The following SIK3 variants were observed in gnomAD, a reference collection of about 807,000 sequenced individuals.
SIK3 encodes serine/threonine-protein kinase SIK3.
SIK3 carries 28 observed loss-of-function variants against 144.2 expected under a neutral mutation model. The ratio of observed to expected loss-of-function variants is 0.19; its 90% confidence interval spans 0.14 to 0.27. SIK3 has a LOEUF of 0.27. Among genes scored for constraint, SIK3 ranks in the 10% least tolerant of loss-of-function variants. The probability of loss-of-function intolerance (pLI) is 1.00; values close to 1 mark genes in which losing one functional copy is unlikely to be tolerated. For synonymous variants in SIK3, 686 were observed against 676.3 expected (o/e 1.01, Z -0.22); for missense variants, 1,319 against 1,776.0 (o/e 0.74, Z 4.62).
chr11:117,097,393 AC>A, intron 1 of SIK3, among the ~76,000 whole-genome samples: 1 of 152,020 alleles, frequency 6.6e-6, no homozygotes, highest in East Asian at 1.9e-4. Flanking sequence ...AAATTGTTTA[AC>A]CCCTGACTAC....
At chr11:116,887,527 G>T (rs1285321135) in intron 6 of SIK3, among the ~76,000 whole-genome samples, 2 of 150,862 alleles carry the variant, frequency 1.3e-5, no homozygotes, top group African/African-American at 4.9e-5. Context: ...TGAGGCAAGA[G>T]AATCACTTGA....
At chr11:117,033,715 AAAAAAAAAAGAAAGAAAAGAAAAG>A (rs1253528795) in intron 1 of SIK3, among the ~76,000 whole-genome samples, 3 of 151,472 alleles carry the variant, frequency 2.0e-5, no homozygotes, top group Non-Finnish European at 4.4e-5. Flanking sequence ...GTCTAAAAAA[AAAAAAAAAAGAAAGAAAAGAAAAG>A]AAAAAAAAAG....
intron 3 of SIK3, among the ~76,000 whole-genome samples, chr11:116,930,522 C>G (rs943531738): frequency 1.3e-5 from 2 of 152,224 alleles, no homozygotes; most frequent in Non-Finnish European, 2.9e-5. Context: ...AGCATTTTTA[C>G]AAATACTGCA....
At chr11:117,037,822 C>A (rs1469944862) in intron 1 of SIK3, among the ~76,000 whole-genome samples, 1 of 152,166 alleles carries the variant, frequency 6.6e-6, no homozygotes, top group East Asian at 1.9e-4. Context: ...ACAGAACCAC[C>A]ACAAAGCCAA....
Position 116,846,322 on chromosome 11 carries a change from G to C in SIK3, c.*13+61C>G, listed in dbSNP as rs1337437999. 2.0e-6 allele frequency: 3 copies of C among 1,538,038 alleles called. No homozygotes were observed. In the Admixed American group the frequency reaches 5.2e-5, roughly 27 times the overall value. Reference sequence around the variant, plus strand: ...CAACACATGGGCTGAAGCTCCTGATGGGATTGGGAGCAGGCACTGGGCCAC... The same window carrying C: ...CAACACATGGGCTGAAGCTCCTGATCGGATTGGGAGCAGGCACTGGGCCAC... On this transcript the variant is annotated intron_variant, in intron 24 of 24. Transcript: ENST00000445177. The surrounding 1 kb of genome is among the most constrained non-coding windows in gnomAD (Gnocchi z 4.1).
chr11:116,901,076 G>A (rs905385585), intron 4 of SIK3, among the ~76,000 whole-genome samples: 1 of 152,180 alleles, frequency 6.6e-6, no homozygotes, highest in East Asian at 1.9e-4. Context: ...TGTTGGTCAG[G>A]CTGGTCTCGA....
chr11:116,849,322 C>T lies in SIK3; in HGVS notation c.3656-39G>A, dbSNP rs766321638. ...GCAGAATAGAGTCAGTGGGGCGGAA[C>T]TTCTCCCAGCACTGGAAACTCCCAT... is the stretch of plus-strand genomic sequence containing the variant. On this transcript the variant is annotated intron_variant, in intron 21 of 24. Transcript: ENST00000445177. The surrounding 1 kb of genome is among the most constrained non-coding windows in gnomAD (Gnocchi z 4.2). 1 of 1,611,568 alleles carries T rather than the reference C, an allele frequency of 6.2e-7. No homozygotes were observed. The highest frequency in any genetic ancestry group is 8.5e-7 in the Non-Finnish European group (1 of 1,178,452).
At chr11:117,029,211 TCCCAGCAC>T (rs1952152571) in intron 1 of SIK3, among the ~76,000 whole-genome samples, 1 of 152,084 alleles carries the variant, frequency 6.6e-6, no homozygotes, top group Non-Finnish European at 1.5e-5. Context: ...GCCCAGCCTA[TCCCAGCAC>T]TTTGGAAGGC....
chr11:116,873,351 G>T, intron 13 of SIK3, 130 bp downstream of exon 13: 2 of 1,245,982 alleles, frequency 1.6e-6, no homozygotes, highest in African/African-American at 1.5e-5. Flanking sequence ...AAAATGGGCT[G>T]GAGCATCCTA....
chr11:117,086,496 C>G lies in SIK3; in HGVS notation c.273+11647G>C, dbSNP rs377328183. ...CACGAGGTAGGAGTTCAAGACCACC[C>G]TGGCCAGCATGGTGAAACCCCGTCT... On this transcript the variant is annotated intron_variant, in intron 1 of 24. Coordinates refer to ENST00000445177, the MANE Select transcript of SIK3 (RefSeq NM_001366686.3). 2.2e-4 allele frequency among the ~76,000 whole-genome samples: 34 copies of G among 152,198 alleles called. No homozygotes were observed. In the East Asian group the frequency reaches 6.4e-3, roughly 29 times the overall value.
At chr11:117,077,152 T>C (rs1954586499) in intron 1 of SIK3, among the ~76,000 whole-genome samples, 1 of 152,186 alleles carries the variant, frequency 6.6e-6, no homozygotes, top group African/African-American at 2.4e-5. Context: ...AGCAAGACCC[T>C]GTCTCTAAAC....
intron 4 of SIK3, among the ~76,000 whole-genome samples, chr11:116,926,824 C>G (rs1258650512): frequency 6.6e-6 from 1 of 152,054 alleles, no homozygotes; most frequent in Non-Finnish European, 1.5e-5. Context: ...AGTTCAAGAC[C>G]AGCCTGCCCA....
chr11:116,853,388 G>A (rs903221638), intron 21 of SIK3, among the ~76,000 whole-genome samples: 1 of 152,174 alleles, frequency 6.6e-6, no homozygotes, highest in Non-Finnish European at 1.5e-5. Flanking sequence ...GAGGAAAGAT[G>A]GTTCCCAAGA....
At chr11:116,976,997 C>A (rs1949967894) in intron 1 of SIK3, among the ~76,000 whole-genome samples, 1 of 152,016 alleles carries the variant, frequency 6.6e-6, no homozygotes, top group Non-Finnish European at 1.5e-5. Context: ...CCAACTATTT[C>A]TTTTTAAAAA....
intron 3 of SIK3, among the ~76,000 whole-genome samples, chr11:116,938,894 T>C (rs1948133906): frequency 6.6e-6 from 1 of 152,118 alleles, no homozygotes. Context: ...ACATAAAATA[T>C]ACTAAAATCC....
rs75895813 is a variant in SIK3 at position 117,038,156 on chromosome 11, T to C, written c.273+59987A>G. On this transcript the variant is annotated intron_variant, in intron 1 of 24. Transcript: ENST00000445177. ...ACATCCTGTATAGAGACTCTCCTTA[T>C]AGAATGACTGACCTGCCTTGGCCTA... 9.6e-4 allele frequency among the ~76,000 whole-genome samples: 146 copies of C among 152,274 alleles called. 1 individual carries two copies. Among genetic ancestry groups the C allele is most frequent in the African/African-American group, 3.3e-3 (137 of 41,550 alleles).
intron 1 of SIK3, among the ~76,000 whole-genome samples, chr11:117,093,795 T>C (rs1027071149): frequency 1.9e-4 from 29 of 152,240 alleles, no homozygotes; most frequent in African/African-American, 6.5e-4. Flanking sequence ...CCTGCAATAG[T>C]AGCAAACTTT....
Position 116,859,486 on chromosome 11 carries a change from C to T in SIK3, c.2544G>A (p.Gln848=). Reference sequence around the variant, plus strand: ...TGGTGACCTGCTGTGACTGAGCAGGCTGCTGCATACCCAAGCAGGTTAGTG... The same window carrying T: ...TGGTGACCTGCTGTGACTGAGCAGGTTGCTGCATACCCAAGCAGGTTAGTG... ...NVALTCLGMQ[Q]PAQSQQVTIQ... Residue 848 remains glutamine, a synonymous_variant, in exon 20 of 25, where the codon CAG becomes CAA. Coordinates refer to ENST00000445177, the MANE Select transcript of SIK3 (RefSeq NM_001366686.3). 5 of 1,614,192 alleles carry T rather than the reference C, an allele frequency of 3.1e-6. No homozygotes were observed. Among genetic ancestry groups the T allele is most frequent in the Non-Finnish European group, 4.2e-6 (5 of 1,180,034 alleles).
intron 1 of SIK3, among the ~76,000 whole-genome samples, chr11:117,004,622 T>C: frequency 6.6e-6 from 1 of 151,890 alleles, no homozygotes; most frequent in East Asian, 1.9e-4. Flanking sequence ...GATAATGGGG[T>C]GGAGGAAATA....
Sources: allele counts gnomAD v4.1 joint callset (sites outside exome capture counted in the v4.1 genomes callset), GRCh38; gene constraint gnomAD v4.1.1; non-coding constraint Gnocchi (gnomAD v3.1); transcripts MANE v1.5; gene names NCBI Gene and HGNC (gene_info 2026-07-23, HGNC 2026-07-21).